The following HACD3 variants were observed in gnomAD, a reference collection of about 807,000 sequenced individuals.
The protein encoded by HACD3 is very-long-chain (3R)-3-hydroxyacyl-CoA dehydratase 3.
Under a neutral mutation model 55.2 loss-of-function variants are expected in HACD3, and 30 were observed. The observed-to-expected ratio is 0.54, with a 90% confidence interval of 0.41 to 0.74. HACD3 has a LOEUF of 0.74. Ranked by LOEUF, HACD3 falls within the 30% of genes least tolerant of loss-of-function variation. HACD3 has a pLI of 0.00. For synonymous variants in HACD3, 141 were observed against 151.7 expected (o/e 0.93, Z 0.52); for missense variants, 363 against 440.1 (o/e 0.82, Z 1.57).
chr15:65,545,115 GGATGAAA>G lies in HACD3; in HGVS notation c.88-6558_88-6552del, dbSNP rs989259762. Among the ~76,000 whole-genome samples the G allele has an allele frequency of 2.0e-5, 3 of 152,154 alleles. No homozygotes were observed. The Middle Eastern group carries it at 0.01, about 518-fold the overall frequency. On this transcript the variant is annotated intron_variant, in intron 1 of 10. Transcript: ENST00000261875. ...ATTAACAATGGTTGACCGTACCATT[GGATGAAA>G]GAGTGTTGTGAGGGAATGGCAGATT...
At chr15:65,576,186 G>T in intron 10 of HACD3, 117 bp from the exon 11 acceptor site, 1 of 1,447,888 alleles carries the variant, frequency 6.9e-7, no homozygotes, top group East Asian at 2.5e-5. Context: ...CTGAGCCGCT[G>T]CAATAAGCTT....
intron 10 of HACD3, among the ~76,000 whole-genome samples, chr15:65,575,728 C>A (rs568794107): frequency 8.5e-5 from 13 of 152,194 alleles, no homozygotes; most frequent in Non-Finnish European, 1.2e-4. Flanking sequence ...AGCAGTAAAT[C>A]TAGATGTTCC....
At chr15:65,541,952 C>T (rs185818392) in intron 1 of HACD3, among the ~76,000 whole-genome samples, 9 of 151,964 alleles carry the variant, frequency 5.9e-5, no homozygotes, top group African/African-American at 1.7e-4. Flanking sequence ...CTGTTTTGGC[C>T]GGGTGCGGTG....
At chr15:65,534,280 T>A (rs1441386699) in intron 1 of HACD3, 1 of 152,280 alleles carries the variant, frequency 6.6e-6, no homozygotes, top group African/African-American at 2.4e-5. Context: ...GCATTGGCTC[T>A]GTCTCCCTCC....
intron 6 of HACD3, 96 bp downstream of exon 6, chr15:65,562,980 A>T (rs2141220446): frequency 6.6e-7 from 1 of 1,524,236 alleles, no homozygotes; most frequent in East Asian, 2.4e-5. Flanking sequence ...GTTAATAATA[A>T]CCCCTGCATT....
At chr15:65,566,517 CT>C (rs1187303099) in intron 7 of HACD3, 3 of 162,248 alleles carry the variant, frequency 1.8e-5, no homozygotes, top group East Asian at 1.8e-4. Flanking sequence ...GCGGAAACCC[CT>C]GATAAGCCCG....
chr15:65,541,238 T>A (rs544908225), intron 1 of HACD3, among the ~76,000 whole-genome samples: 106 of 152,312 alleles, frequency 7.0e-4, no homozygotes, highest in African/African-American at 2.5e-3. Flanking sequence ...ACTTAATTGA[T>A]TGTAAAATGC....
chr15:65,539,122 A>G (rs968641230), intron 1 of HACD3, among the ~76,000 whole-genome samples: 1 of 152,012 alleles, frequency 6.6e-6, no homozygotes, highest in Non-Finnish European at 1.5e-5. Flanking sequence ...GTAAATTAAA[A>G]TGATAGGATA....
At chr15:65,556,367 C>T (rs757382617) in intron 3 of HACD3, among the ~76,000 whole-genome samples, 1 of 152,176 alleles carries the variant, frequency 6.6e-6, no homozygotes, top group Non-Finnish European at 1.5e-5. Flanking sequence ...AGATTCCTTG[C>T]ATGCACAATT....
intron 10 of HACD3, chr15:65,574,178 G>A (rs952721023): frequency 6.6e-6 from 1 of 152,214 alleles, no homozygotes; most frequent in Non-Finnish European, 1.5e-5. Context: ...AGCCTGGCTG[G>A]GTGGTACTGG....
chr15:65,563,601 T>TGCAGTAAGCC (rs2072263677), intron 6 of HACD3, among the ~76,000 whole-genome samples: 2 of 152,082 alleles, frequency 1.3e-5, no homozygotes, highest in Non-Finnish European at 1.5e-5. Context: ...CCCAGGAGGT[T>TGCAGTAAGCC]GAAGCTGCAG....
intron 1 of HACD3, 35 bp downstream of exon 1, chr15:65,530,753 G>A: frequency 1.3e-6 from 2 of 1,520,654 alleles, no homozygotes; most frequent in Non-Finnish European, 8.9e-7. Context: ...AAGCGCGCGG[G>A]ATCGCGGCTC....
chr15:65,571,386 G>A (rs993230474), intron 8 of HACD3, among the ~76,000 whole-genome samples, 162 bp from the exon 9 acceptor site: 17 of 152,310 alleles, frequency 1.1e-4, no homozygotes, highest in African/African-American at 3.9e-4. Flanking sequence ...AATTTAGGGC[G>A]CAGTGTGGCA....
chr15:65,547,910 G>A (rs1167367731), intron 1 of HACD3, among the ~76,000 whole-genome samples: 1 of 152,150 alleles, frequency 6.6e-6, no homozygotes, highest in East Asian at 1.9e-4. Flanking sequence ...AGGTCAAGAG[G>A]GGCAGTTAAA....
intron 9 of HACD3, 39 bp downstream of exon 9, chr15:65,571,693 A>G: frequency 6.7e-7 from 1 of 1,494,998 alleles, no homozygotes; most frequent in Non-Finnish European, 9.3e-7. Flanking sequence ...GCTTAGCTCC[A>G]GGGGGTACCC....
chr15:65,551,670 T>G lies in HACD3; in HGVS notation c.88-6T>G. ...GCCTTCTTGCATCCTTGGTCTCTTT[T>G]CACAGAACCCTGCCATCAGCATCAC... On this transcript the variant is annotated splice_polypyrimidine_tract_variant and splice_region_variant and intron_variant, in intron 1 of 10. Coordinates refer to ENST00000261875, the MANE Select transcript of HACD3 (RefSeq NM_016395.4). 6.2e-7 allele frequency: 1 copy of G among 1,614,008 alleles called. No individual in the cohort carries two copies. The highest frequency in any genetic ancestry group is 8.5e-7 in the Non-Finnish European group (1 of 1,179,870).
chr15:65,545,751 G>A (rs1331601705), intron 1 of HACD3, among the ~76,000 whole-genome samples: 4 of 42,968 alleles, frequency 9.3e-5, no homozygotes, highest in Non-Finnish European at 2.0e-4. Context: ...ACCCGTGGCC[G>A]ATTCTGGATT....
chr15:65,548,598 G>T (rs2072099865), intron 1 of HACD3, among the ~76,000 whole-genome samples: 1 of 151,700 alleles, frequency 6.6e-6, no homozygotes. Context: ...TTTGAGACAG[G>T]GTCTTAGTCT....
intron 1 of HACD3, among the ~76,000 whole-genome samples, chr15:65,539,919 G>A (rs1448898012): frequency 6.6e-6 from 1 of 152,244 alleles, no homozygotes; most frequent in Admixed American, 6.5e-5. Context: ...AATGCCCAAC[G>A]TGTTTTAATG....
Sources: allele counts gnomAD v4.1 joint callset (sites outside exome capture counted in the v4.1 genomes callset), GRCh38; gene constraint gnomAD v4.1.1; transcripts MANE v1.5; gene names NCBI Gene and HGNC (gene_info 2026-07-23, HGNC 2026-07-21).